The following SIPA1L2 variants were observed in gnomAD, a reference collection of about 807,000 sequenced individuals.
The protein encoded by SIPA1L2 is signal-induced proliferation-associated 1-like protein 2.
SIPA1L2 carries 56 observed loss-of-function variants against 163.9 expected under a neutral mutation model. That is an observed-to-expected ratio of 0.34 (90% confidence interval 0.28 to 0.43). The LOEUF (loss-of-function observed/expected upper bound fraction) is 0.43. Ranked by LOEUF, SIPA1L2 falls within the 20% of genes least tolerant of loss-of-function variation. The pLI is 1.00. For synonymous variants in SIPA1L2, 877 were observed against 865.7 expected, an observed-to-expected ratio of 1.01 and a Z score of -0.23; for missense variants, 1,974 against 2,193.5, an observed-to-expected ratio of 0.90 and a Z score of 2.00.
At chr1:232,431,576 T>C (rs1662241663) in intron 16 of SIPA1L2, among the ~76,000 whole-genome samples, 1 of 152,158 alleles carries the variant, frequency 6.6e-6, no homozygotes, top group Admixed American at 6.5e-5. Flanking sequence ...ACAGACCTGA[T>C]CATTTAGCAC....
chr1:232,479,711 G>A lies in SIPA1L2; in HGVS notation c.2001C>T (p.His667=). 6.2e-7 allele frequency: 1 copy of A among 1,613,598 alleles called. No homozygotes were observed. Among genetic ancestry groups the A allele is most frequent in the Non-Finnish European group, 8.5e-7 (1 of 1,179,630 alleles). Reference sequence around the variant, plus strand: ...AGTCTTTGTATGTGGTATAGAGAGAGTGCGTGCCCGTGGAATCAGCTGAAA... The same window carrying A: ...AGTCTTTGTATGTGGTATAGAGAGAATGCGTGCCCGTGGAATCAGCTGAAA... ...LDNKTDSTGT[H]SLYTTYKDYE... is the part of the protein sequence containing the mutation. Residue 667 remains histidine, a synonymous_variant, in exon 7 of 23, where the codon CAC becomes CAT. Coordinates refer to ENST00000674635, the MANE Select transcript of SIPA1L2 (RefSeq NM_020808.5).
chr1:232,487,838 A>T (rs908990108), intron 5 of SIPA1L2, among the ~76,000 whole-genome samples: 1 of 152,098 alleles, frequency 6.6e-6, no homozygotes, highest in Admixed American at 6.6e-5. Context: ...TACAGAGTAC[A>T]TATACTCAGT....
chr1:232,502,319 C>T (rs1037596648), intron 3 of SIPA1L2, among the ~76,000 whole-genome samples: 1 of 152,136 alleles, frequency 6.6e-6, no homozygotes, highest in Non-Finnish European at 1.5e-5. Context: ...TAAACTGCAT[C>T]ATCGAGTATT....
At chr1:232,441,000 A>T (rs1443366261) in intron 14 of SIPA1L2, among the ~76,000 whole-genome samples, 2 of 152,260 alleles carry the variant, frequency 1.3e-5, no homozygotes, top group Non-Finnish European at 2.9e-5. Flanking sequence ...CACTAAATGG[A>T]TAAGTGGTTA....
intron 1 of SIPA1L2, among the ~76,000 whole-genome samples, chr1:232,612,328 G>C (rs1662282866): frequency 6.6e-6 from 1 of 152,204 alleles, no homozygotes; most frequent in African/African-American, 2.4e-5. Flanking sequence ...TGTGAGAAGA[G>C]GGCCACTGTC....
At position 232,479,651 on chromosome 1, in the gene SIPA1L2, G is replaced by A. The variant is rs555508473; in HGVS notation, c.2061C>T (p.Pro687=). 6.2e-7 allele frequency: 1 copy of A among 1,613,698 alleles called. No individual in the cohort carries two copies. Among genetic ancestry groups the A allele is most frequent in the Non-Finnish European group, 8.5e-7 (1 of 1,179,720 alleles). ...ELMFHVSTLL[P]YMPNNRQQLL... ...CCTGTTGTCTGTTGTTGGGCATGTA[G>A]GGAAGCAGGGTTGACACGTGGAACA... is the stretch of plus-strand genomic sequence containing the variant. Residue 687 remains proline (P), a synonymous_variant, in exon 7 of 23, where the codon CCC becomes CCT. Coordinates refer to ENST00000674635, the MANE Select transcript of SIPA1L2 (RefSeq NM_020808.5).
chr1:232,473,533 GTTATTCCTA>G (rs1241035661), intron 7 of SIPA1L2, among the ~76,000 whole-genome samples: 10 of 152,364 alleles, frequency 6.6e-5, no homozygotes, highest in African/African-American at 2.4e-4. Flanking sequence ...AAATTGCACA[GTTATTCCTA>G]TCCAATTTCT....
chr1:232,552,061 A>G (rs1435836633), intron 2 of SIPA1L2, among the ~76,000 whole-genome samples: 1 of 152,096 alleles, frequency 6.6e-6, no homozygotes, highest in Non-Finnish European at 1.5e-5. Context: ...GCTGGTCTCG[A>G]ATTCCTGACC....
chr1:232,403,712 A>G, intron 20 of SIPA1L2, 141 bp from the exon 21 acceptor site: 1 of 1,164,078 alleles, frequency 8.6e-7, no homozygotes, highest in South Asian at 1.6e-5. Context: ...CAAAACAAAG[A>G]AAAACAAATT....
chr1:232,563,035 A>T (rs930353521), intron 2 of SIPA1L2, among the ~76,000 whole-genome samples: 1 of 152,216 alleles, frequency 6.6e-6, no homozygotes, highest in African/African-American at 2.4e-5. Context: ...AAGAAACAAT[A>T]AAAATCCTAC....
intron 2 of SIPA1L2, among the ~76,000 whole-genome samples, chr1:232,533,030 G>A (rs1657076118): frequency 6.6e-6 from 1 of 152,150 alleles, no homozygotes; most frequent in Non-Finnish European, 1.5e-5. Flanking sequence ...TGAGATTCTA[G>A]AACTGACAGA....
chr1:232,476,883 A>T (rs1387449112), intron 7 of SIPA1L2, among the ~76,000 whole-genome samples: 1 of 152,216 alleles, frequency 6.6e-6, no homozygotes, highest in African/African-American at 2.4e-5. Context: ...ACTGTAGTGT[A>T]AGAAGCCAAG....
chr1:232,517,531 A>G (rs1558239597), intron 2 of SIPA1L2, among the ~76,000 whole-genome samples: 1 of 152,244 alleles, frequency 6.6e-6, no homozygotes, highest in East Asian at 1.9e-4. Flanking sequence ...TATTAAAACT[A>G]GGATTAGCGA....
At chr1:232,485,024 T>C (rs1352521629) in intron 5 of SIPA1L2, among the ~76,000 whole-genome samples, 1 of 152,230 alleles carries the variant, frequency 6.6e-6, no homozygotes, top group Non-Finnish European at 1.5e-5. Context: ...TATTACCTAA[T>C]GACAACATAC....
chr1:232,437,144 A>G (rs1483152850), intron 15 of SIPA1L2, among the ~76,000 whole-genome samples: 2 of 152,234 alleles, frequency 1.3e-5, no homozygotes, highest in Non-Finnish European at 2.9e-5. Context: ...AAATATCAAT[A>G]AACGAATGTA....
intron 2 of SIPA1L2, among the ~76,000 whole-genome samples, chr1:232,535,795 T>C (rs562865501): frequency 1.8e-4 from 27 of 152,332 alleles, no homozygotes; most frequent in Admixed American, 1.2e-3. Context: ...GTATGTATTA[T>C]GAATGTTGAA....
intron 7 of SIPA1L2, among the ~76,000 whole-genome samples, chr1:232,475,450 C>T (rs1664999119): frequency 6.6e-6 from 1 of 152,138 alleles, no homozygotes; most frequent in Admixed American, 6.5e-5. Flanking sequence ...GAGTTTGCAC[C>T]AGTAGTTAGA....
chr1:232,449,474 T>C (rs1035900286), intron 10 of SIPA1L2, among the ~76,000 whole-genome samples: 32 of 141,234 alleles, frequency 2.3e-4, no homozygotes, highest in African/African-American at 7.8e-4. Context: ...GCTGAGATAG[T>C]GCCACTGCAG....
Position 232,574,165 on chromosome 1 carries a change from C to A in SIPA1L2, c.-270+9G>T, listed in dbSNP as rs1337013794. Among the ~76,000 whole-genome samples, 1 of 152,178 alleles carries A rather than the reference C, an allele frequency of 6.6e-6. No individual in the cohort carries two copies. The highest frequency in any genetic ancestry group is 1.5e-5 in the Non-Finnish European group (1 of 68,032). On this transcript the variant is annotated intron_variant, in intron 2 of 22. Coordinates refer to ENST00000674635, the MANE Select transcript of SIPA1L2 (RefSeq NM_020808.5). ...CTCTGAAGTGAGGATGCCTTGCTTG[C>A]AGGCTTACCTGAGTGGGGAAGAGCA...
Sources: allele counts gnomAD v4.1 joint callset (sites outside exome capture counted in the v4.1 genomes callset), GRCh38; gene constraint gnomAD v4.1.1; transcripts MANE v1.5; gene names NCBI Gene and HGNC (gene_info 2026-07-23, HGNC 2026-07-21).